The following PTGFR variants were observed in gnomAD, a reference collection of about 807,000 sequenced individuals.
The protein encoded by PTGFR is prostaglandin F2-alpha receptor.
In PTGFR, 15 loss-of-function variants were observed where a neutral mutation model predicts 26.2. The observed-to-expected ratio is 0.57, with a 90% confidence interval of 0.38 to 0.88. The LOEUF is 0.88. Ranked by LOEUF, PTGFR falls within the 40% of genes least tolerant of loss-of-function variation. PTGFR has a pLI of 0.00. For missense variants in PTGFR, 369 were observed against 427.2 expected, an observed-to-expected ratio of 0.86 and a Z score of 1.20; for synonymous variants, 165 against 151.1, an observed-to-expected ratio of 1.09 and a Z score of -0.68.
intron 2 of PTGFR, among the ~76,000 whole-genome samples, chr1:78,527,546 AAGAG>A (rs950598793): frequency 9.9e-5 from 15 of 152,240 alleles, no homozygotes; most frequent in Non-Finnish European, 2.1e-4. Flanking sequence ...TTATGCTAAA[AAGAG>A]AGAGAGAAAA....
At chr1:78,532,186 T>C (rs908814484) in intron 2 of PTGFR, 7 of 401,990 alleles carry the variant, frequency 1.7e-5, no homozygotes, top group East Asian at 1.1e-4. Context: ...CACTTAGGAG[T>C]CTATAATATG....
In PTGFR at chr1:78,516,543, G is replaced by T. The variant is rs1419309568; in HGVS notation, c.799-19863G>T. ...CTTTAAACAAATTTGCTAAACAAGGGTGCCTTTAATAATGTTTTAAAAGTA... is the reference window on the plus strand; with the variant it reads ...CTTTAAACAAATTTGCTAAACAAGGTTGCCTTTAATAATGTTTTAAAAGTA... On this transcript the variant is annotated intron_variant, in intron 2 of 2. Coordinates refer to ENST00000370757, the MANE Select transcript of PTGFR (RefSeq NM_000959.4). Among the ~76,000 whole-genome samples, 6 of 152,210 alleles carry T rather than the reference G, an allele frequency of 3.9e-5. No homozygotes were observed. The East Asian group carries it at 7.7e-4, about 20-fold the overall frequency.
chr1:78,499,411 C>T (rs1649642588), intron 2 of PTGFR, among the ~76,000 whole-genome samples: 1 of 152,204 alleles, frequency 6.6e-6, no homozygotes, highest in African/African-American at 2.4e-5. Context: ...GAGGGAGGGG[C>T]CTTGCTGATT....
At chr1:78,518,567 GACACACACACACACACACACACACACAC>G (rs57447321) in intron 2 of PTGFR, among the ~76,000 whole-genome samples, 3 of 137,962 alleles carry the variant, frequency 2.2e-5, no homozygotes, top group Admixed American at 7.2e-5. Flanking sequence ...CAGTATAAAA[GACACACACACACACACACACACACACAC>G]ACACACACAC....
In PTGFR at chr1:78,522,935, A is replaced by G. The variant is rs114018150; in HGVS notation, c.799-13471A>G. On this transcript the variant is annotated intron_variant, in intron 2 of 2. Transcript: ENST00000370757. Reference sequence around the variant, plus strand: ...GAAAGTACATAGGAATTATGCAATAAGTTTTAACTATGTAATTATTATTAT... The same window carrying G: ...GAAAGTACATAGGAATTATGCAATAGGTTTTAACTATGTAATTATTATTAT... Among the ~76,000 whole-genome samples, 1,013 of 152,176 alleles carry G rather than the reference A, an allele frequency of 6.7e-3. 13 individuals carry two copies. Among genetic ancestry groups the G allele is most frequent in the African/African-American group, 0.024 (979 of 41,534 alleles).
chr1:78,493,252 C>A lies in PTGFR; in HGVS notation c.509C>A (p.Pro170His). ...CLFAVFIALL[P>H]ILGHRDYKIQ... ...TTTGCTGTTTTCATAGCTTTGCTGC[C>A]CATCCTTGGACATCGAGACTATAAA... The change falls in exon 2 of 3, where the codon CCC becomes CAC. Residue 170 changes from proline (P) to histidine (H), a missense_variant. Transcript: ENST00000370757. 6.2e-7 allele frequency: 1 copy of A among 1,614,048 alleles called. No homozygotes were observed. Among genetic ancestry groups the A allele is most frequent in the Non-Finnish European group, 8.5e-7 (1 of 1,179,984 alleles).
chr1:78,512,081 T>C (rs1247518830), intron 2 of PTGFR, among the ~76,000 whole-genome samples: 1 of 152,194 alleles, frequency 6.6e-6, no homozygotes, highest in African/African-American at 2.4e-5. Flanking sequence ...TGTCCACATT[T>C]CCATTAGGTT....
intron 2 of PTGFR, among the ~76,000 whole-genome samples, chr1:78,531,677 T>C (rs1265762733): frequency 2.0e-5 from 3 of 152,104 alleles, no homozygotes; most frequent in Non-Finnish European, 4.4e-5. Flanking sequence ...TAAATCCAAC[T>C]TGACTCTTTG....
At chr1:78,533,527 T>C (rs1268346997) in intron 2 of PTGFR, among the ~76,000 whole-genome samples, 1 of 152,198 alleles carries the variant, frequency 6.6e-6, no homozygotes, top group African/African-American at 2.4e-5. Flanking sequence ...ATCCCTTCAG[T>C]TACATTTCTG....
rs1650759969 is a variant in PTGFR at position 78,540,151 on chromosome 1, C to T, written c.*3464C>T. ...GAGAACTCAGGTGAAAAAACAGCCA[C>T]CATTATATGTGGCTGTTTCTCAAAC... On this transcript the variant is annotated 3_prime_UTR_variant, in exon 3 of 3. Coordinates refer to ENST00000370757, the MANE Select transcript of PTGFR (RefSeq NM_000959.4). Among the ~76,000 whole-genome samples the T allele has an allele frequency of 6.6e-6, 1 of 152,072 alleles. No homozygotes were observed. Among genetic ancestry groups the T allele is most frequent in the Admixed American group, 6.6e-5 (1 of 15,240 alleles).
chr1:78,524,766 C>T (rs543022719), intron 2 of PTGFR, among the ~76,000 whole-genome samples: 25 of 151,946 alleles, frequency 1.6e-4, no homozygotes, highest in Non-Finnish European at 3.4e-4. Context: ...ATGAAAAGAA[C>T]AAATTAGACT....
rs187980553 is a variant in PTGFR at position 78,539,506 on chromosome 1, A to G, written c.*2819A>G. 3.9e-5 allele frequency: 6 copies of G among 152,620 alleles called. No individual in the cohort carries two copies. The allele number at this position is 152,620 out of a possible 1,614,324, so 9.5% of individuals were successfully genotyped here. ...TAATCTGGGTGTCAAAGATTTTACC[A>G]CCTGGTAAATAATGTTGGACTTCAA... On this transcript the variant is annotated 3_prime_UTR_variant, in exon 3 of 3. Coordinates refer to ENST00000370757, the MANE Select transcript of PTGFR (RefSeq NM_000959.4).
At position 78,497,946 on chromosome 1, in the gene PTGFR, T is replaced by A. The variant is rs941210604; in HGVS notation, c.798+4405T>A. ...AGAGCAAAGTGATTTCTTACATAGG[T>A]GAGTTTACCCAAGAAATGTGTTCTC... On this transcript the variant is annotated intron_variant, in intron 2 of 2. Coordinates refer to ENST00000370757, the MANE Select transcript of PTGFR (RefSeq NM_000959.4). 6 of 1,577,030 alleles carry A rather than the reference T, an allele frequency of 3.8e-6. No individual in the cohort carries two copies. The African/African-American group carries it at 8.1e-5, about 21-fold the overall frequency.
At chr1:78,502,134 T>C (rs911957050) in intron 2 of PTGFR, among the ~76,000 whole-genome samples, 1 of 152,216 alleles carries the variant, frequency 6.6e-6, no homozygotes, top group African/African-American at 2.4e-5. Flanking sequence ...CTTCACTATC[T>C]CATCAGAAGT....
intron 2 of PTGFR, among the ~76,000 whole-genome samples, chr1:78,503,925 C>T (rs1054695342): frequency 1.3e-5 from 2 of 152,068 alleles, no homozygotes; most frequent in Admixed American, 1.3e-4. Flanking sequence ...ATGACCGTGG[C>T]TGTGGACCAG....
rs144193729 is a variant in PTGFR, at chr1:78,521,027, T to A, written c.799-15379T>A. ...TTTAATCCTGTCTGCTCAGGTAGGA[T>A]AGTACAGCCACATGCGGGCTGCCTA... is the stretch of plus-strand genomic sequence containing the variant. On this transcript the variant is annotated intron_variant, in intron 2 of 2. Coordinates refer to ENST00000370757, the MANE Select transcript of PTGFR (RefSeq NM_000959.4). 7.1e-3 allele frequency among the ~76,000 whole-genome samples: 1,083 copies of A among 152,196 alleles called. 14 individuals are homozygous for A. Among genetic ancestry groups the A allele is most frequent in the African/African-American group, 0.025 (1,020 of 41,540 alleles).
rs145649108 is a variant in PTGFR, at chr1:78,524,398, T to C, written c.799-12008T>C. On this transcript the variant is annotated intron_variant, in intron 2 of 2. Transcript: ENST00000370757. ...TGAAGTGACTTCAGAACCAAATACC[T>C]AGATTCGACTTATAATAGATGCCTT... Among the ~76,000 whole-genome samples the C allele has an allele frequency of 1.4e-3, 215 of 152,212 alleles. 2 individuals are homozygous for C. The highest frequency in any genetic ancestry group is 4.6e-3 in the African/African-American group (193 of 41,556).
At chr1:78,495,687 T>A (rs1398394762) in intron 2 of PTGFR, among the ~76,000 whole-genome samples, 1 of 152,210 alleles carries the variant, frequency 6.6e-6, no homozygotes, top group Non-Finnish European at 1.5e-5. Flanking sequence ...ACTGGGTTTC[T>A]ACTTTGAGGA....
Position 78,536,557 on chromosome 1 carries a change from A to C in PTGFR, c.950A>C (p.Lys317Thr). 3 of 1,613,490 alleles carry C rather than the reference A, an allele frequency of 1.9e-6. No homozygotes were observed. Among genetic ancestry groups the C allele is most frequent in the African/African-American group, 2.7e-5 (2 of 75,008 alleles). Residue 317 changes from lysine (K) to threonine (T), a missense_variant, in exon 3 of 3, where the codon AAG becomes ACG. Physicochemically the swap from Lys to Thr is moderately conservative, Grantham distance 78. Coordinates refer to ENST00000370757, the MANE Select transcript of PTGFR (RefSeq NM_000959.4). The stretch of plus-strand genomic sequence containing the variant: ...AAGGCTGTCCTTAAGAATCTCTATA[A>C]GCTTGCCAGTCAATGCTGTGGAGTG... ...LRKAVLKNLY[K>T]LASQCCGVHV... is the part of the protein sequence containing the mutation.
Sources: gnomAD v4.1 joint callset for allele counts (sites outside exome capture counted in the v4.1 genomes callset) on GRCh38, gnomAD v4.1.1 for gene constraint, MANE v1.5 for transcripts, NCBI Gene and HGNC (gene_info 2026-07-23, HGNC 2026-07-21) for gene names.